The following ZNF616 variants were observed in gnomAD, a reference collection of about 807,000 sequenced individuals.
ZNF616 encodes zinc finger protein 616.
A neutral mutation model predicts 7.6 loss-of-function variants in ZNF616; 5 were observed. That is an observed-to-expected ratio of 0.66 (90% CI 0.34 to 1.38). The LOEUF (loss-of-function observed/expected upper bound fraction) is 1.38, where lower values mean the gene tolerates loss of function less well. ZNF616 is among the 40% of genes most tolerant of loss of function. ZNF616 has a pLI of 0.04. For missense variants in ZNF616, 913 were observed against 948.3 expected (o/e 0.96, Z 0.49); for synonymous variants, 319 against 317.2 (o/e 1.01, Z -0.06).
chr19:52,115,196 A>G lies in ZNF616; in HGVS notation c.1968T>C (p.Thr656=), dbSNP rs753629919. The change falls in exon 4 of 4, where the codon ACT becomes ACC. Residue 656 remains threonine, a synonymous_variant. Coordinates refer to ENST00000600228, the MANE Select transcript of ZNF616 (RefSeq NM_178523.5). ...CATTACATTTGTAAGGTCTGTCTCC[A>G]GTATGAACAGTCTGATGAAGTCTAA... ...VHLRLHQTVH[T]GDRPYKCNEC... The G allele has an allele frequency of 1.2e-6, 2 of 1,614,242 alleles. No individual in the cohort carries two copies. The highest frequency in any genetic ancestry group is 8.5e-7 in the Non-Finnish European group (1 of 1,180,038).
chr19:52,126,504 G>T lies in ZNF616; in HGVS notation c.13-2455C>A, dbSNP rs529774656. The stretch of plus-strand genomic sequence containing the variant: ...CACTCCAGCCTCGGCAATAGAGTGT[G>T]ACTCTGTCTCCAAAAATAAAGAAAA... On this transcript the variant is annotated intron_variant, in intron 2 of 3. Coordinates refer to ENST00000600228, the MANE Select transcript of ZNF616 (RefSeq NM_178523.5). Among the ~76,000 whole-genome samples the T allele has an allele frequency of 2.0e-5, 3 of 151,954 alleles. No individual in the cohort carries two copies. The South Asian group carries it at 6.2e-4, about 32-fold the overall frequency.
Position 52,114,806 on chromosome 19 carries a change from C to T in ZNF616, c.*12G>A. 1.9e-6 allele frequency: 3 copies of T among 1,540,880 alleles called. No homozygotes were observed. The highest frequency in any genetic ancestry group is 2.6e-6 in the Non-Finnish European group (3 of 1,148,786). On this transcript the variant is annotated 3_prime_UTR_variant, in exon 4 of 4. Transcript: ENST00000600228. ...AGGAATTATTCGGTGATTCCAGAAA[C>T]TAGGACAACGTCTAAGGCCTTGTCA... is the stretch of plus-strand genomic sequence containing the variant.
intron 2 of ZNF616, among the ~76,000 whole-genome samples, chr19:52,128,699 G>A (rs1034960429): frequency 1.1e-4 from 16 of 147,456 alleles, no homozygotes; most frequent in East Asian, 1.0e-3. Context: ...CCAAGATTGC[G>A]CCATTGCACT....
chr19:52,123,037 G>T (rs773322406), intron 3 of ZNF616, among the ~76,000 whole-genome samples: 6 of 152,138 alleles, frequency 3.9e-5, no homozygotes, highest in Non-Finnish European at 7.4e-5. Flanking sequence ...GTAAGTTTTA[G>T]AGAAACTGCT....
intron 2 of ZNF616, among the ~76,000 whole-genome samples, chr19:52,129,801 G>C (rs1253196513): frequency 7.8e-6 from 1 of 128,550 alleles, no homozygotes; most frequent in African/African-American, 2.8e-5. Flanking sequence ...TTTTTTTTTT[G>C]AGGATGAAGT....
At chr19:52,130,679 T>A in intron 1 of ZNF616, 91 bp from the exon 2 acceptor site, 6 of 917,288 alleles carry the variant, frequency 6.5e-6, no homozygotes, top group Non-Finnish European at 8.2e-6. Flanking sequence ...ACTCAGCCTG[T>A]GGAGAGACAG....
intron 3 of ZNF616, among the ~76,000 whole-genome samples, chr19:52,120,033 T>C (rs905010030): frequency 7.2e-5 from 11 of 152,198 alleles, no homozygotes; most frequent in African/African-American, 2.4e-4. Context: ...AGTACAACAA[T>C]GTTAAGGAGA....
chr19:52,127,582 C>T (rs1039610858), intron 2 of ZNF616, among the ~76,000 whole-genome samples: 1 of 151,978 alleles, frequency 6.6e-6, no homozygotes, highest in Non-Finnish European at 1.5e-5. Context: ...CTTAAAAAAA[C>T]ACAGTATTTT....
intron 1 of ZNF616, among the ~76,000 whole-genome samples, chr19:52,138,269 T>G (rs2089030395): frequency 6.6e-6 from 1 of 152,238 alleles, no homozygotes; most frequent in African/African-American, 2.4e-5. Context: ...AATGACTGAA[T>G]CAAGTCACTG....
chr19:52,137,696 G>A (rs73054282), intron 1 of ZNF616, among the ~76,000 whole-genome samples: 45,954 of 151,996 alleles, frequency 0.3, 7,706 homozygotes, highest in East Asian at 0.55. Flanking sequence ...GGAATCTAAT[G>A]TACTTCGTGG....
At chr19:52,133,139 C>T (rs1335247918) in intron 1 of ZNF616, among the ~76,000 whole-genome samples, 1 of 152,072 alleles carries the variant, frequency 6.6e-6, no homozygotes, top group Non-Finnish European at 1.5e-5. Context: ...TGGATGCATT[C>T]AAGAGGGAAT....
In ZNF616 at chr19:52,139,067, T is replaced by C. The variant is rs539135490; in HGVS notation, c.-77+665A>G. ...CGTCCTCTTGCACTCTTGCTCTCTT[T>C]GCCAGTACCTAAATTATCATCCATT... On this transcript the variant is annotated intron_variant, in intron 1 of 3. Coordinates refer to ENST00000600228, the MANE Select transcript of ZNF616 (RefSeq NM_178523.5). The surrounding 1 kb of genome is among the most constrained non-coding windows in gnomAD (Gnocchi z 4.1). Among the ~76,000 whole-genome samples the C allele has an allele frequency of 6.6e-6, 1 of 152,206 alleles. No homozygotes were observed. Among genetic ancestry groups the C allele is most frequent in the Non-Finnish European group, 1.5e-5 (1 of 68,038 alleles).
chr19:52,127,593 A>G (rs1287637767), intron 2 of ZNF616, among the ~76,000 whole-genome samples: 1 of 152,246 alleles, frequency 6.6e-6, no homozygotes, highest in African/African-American at 2.4e-5. Flanking sequence ...ACAGTATTTT[A>G]TAATCACACA....
At chr19:52,120,767 C>G (rs1041301996) in intron 3 of ZNF616, among the ~76,000 whole-genome samples, 1 of 151,940 alleles carries the variant, frequency 6.6e-6, no homozygotes, top group Non-Finnish European at 1.5e-5. Context: ...GAAGATATAC[C>G]AATTATAGTT....
In ZNF616 at chr19:52,116,194, G is replaced by T; in HGVS notation, c.970C>A (p.Pro324Thr). The T allele has an allele frequency of 2.5e-6, 4 of 1,614,088 alleles. No individual in the cohort carries two copies. Among genetic ancestry groups the T allele is most frequent in the Non-Finnish European group, 3.4e-6 (4 of 1,180,016 alleles). Residue 324 changes from proline to threonine, a missense_variant, in exon 4 of 4, where the codon CCC becomes ACC. Coordinates refer to ENST00000600228, the MANE Select transcript of ZNF616 (RefSeq NM_178523.5). ...TTGCCACACTCATTACATTTGAAGG[G>T]TCTCTCTCCAGTATGAACTGTCTGA... ...LHQTVHTGER[P>T]FKCNECGKTF...
intron 2 of ZNF616, among the ~76,000 whole-genome samples, chr19:52,129,982 C>T (rs1359114736): frequency 6.6e-6 from 1 of 152,066 alleles, no homozygotes; most frequent in African/African-American, 2.4e-5. Flanking sequence ...GAGGTTTCAC[C>T]ATGTTGGCTC....
At chr19:52,118,365 A>G (rs1019057668) in intron 3 of ZNF616, among the ~76,000 whole-genome samples, 4 of 152,238 alleles carry the variant, frequency 2.6e-5, no homozygotes, top group African/African-American at 9.6e-5. Flanking sequence ...TTTGGAAGAA[A>G]CTACAAAATG....
At chr19:52,125,949 G>A (rs1168535784) in intron 2 of ZNF616, among the ~76,000 whole-genome samples, 2 of 152,180 alleles carry the variant, frequency 1.3e-5, no homozygotes, top group Non-Finnish European at 2.9e-5. Context: ...GAGCTTCTGA[G>A]TAGAAAGCAG....
rs759915914 is a variant in ZNF616, at chr19:52,115,825, T to C, written c.1339A>G (p.Ser447Gly). 6.2e-7 allele frequency: 1 copy of C among 1,609,328 alleles called. No homozygotes were observed. The highest frequency in any genetic ancestry group is 8.5e-7 in the Non-Finnish European group (1 of 1,177,836). ...YKCNKCGKVY[S>G]KHSHLAVHWR... ...TGCACTGCAAGATGTGAATGCTTACTGTACACCTTGCCACATTTATTGCAT... is the reference window on the plus strand; with the variant it reads ...TGCACTGCAAGATGTGAATGCTTACCGTACACCTTGCCACATTTATTGCAT... The change falls in exon 4 of 4, where the codon AGT becomes GGT. Residue 447 changes from serine (S) to glycine (G), a missense_variant. Ser to Gly is a moderately conservative substitution (Grantham distance 56). Coordinates refer to ENST00000600228, the MANE Select transcript of ZNF616 (RefSeq NM_178523.5).
Sources: gnomAD v4.1 joint callset for allele counts (sites outside exome capture counted in the v4.1 genomes callset) on GRCh38, gnomAD v4.1.1 for gene constraint, Gnocchi (gnomAD v3.1) non-coding constraint, MANE v1.5 for transcripts, NCBI Gene and HGNC (gene_info 2026-07-23, HGNC 2026-07-21) for gene names.